Variants in COMMD1 observed in about 807,000 individuals in gnomAD.
The protein encoded by COMMD1 is COMM domain-containing protein 1.
In COMMD1, 10 loss-of-function variants were observed where a neutral mutation model predicts 17.2. The ratio of observed to expected loss-of-function variants is 0.58; its 90% CI spans 0.36 to 0.99. COMMD1 has a LOEUF of 0.99. Among genes scored for constraint, COMMD1 ranks in the 50% least tolerant of loss-of-function variants. The pLI, the probability that COMMD1 is intolerant of heterozygous loss-of-function variation, is 0.01. For synonymous variants in COMMD1, 97 were observed against 91.6 expected (o/e 1.06, Z -0.34); for missense variants, 270 against 231.8 (o/e 1.17, Z -1.07).
intron 1 of COMMD1, among the ~76,000 whole-genome samples, chr2:61,961,847 T>C (rs930837769): frequency 6.6e-6 from 1 of 152,228 alleles, no homozygotes; most frequent in Admixed American, 6.5e-5. Flanking sequence ...TTCTCATTTG[T>C]CTTTAATGTT....
chr2:62,069,835 G>A (rs1181629866), intron 2 of COMMD1: 10 of 152,160 alleles, frequency 6.6e-5, no homozygotes, highest in Non-Finnish European at 1.5e-5. Flanking sequence ...CAGACTATAA[G>A]CTAAATTGTT....
rs1668924281 is a variant in COMMD1, at chr2:62,001,000, C to T, written c.462+18C>T. ...ATGGACAGGTGAGTTAAACTTAAGTCAATTTTCCTTTGTAAACTGTATTTT... is the reference window on the plus strand; with the variant it reads ...ATGGACAGGTGAGTTAAACTTAAGTTAATTTTCCTTTGTAAACTGTATTTT... On this transcript the variant is annotated intron_variant, in intron 2 of 2. Transcript: ENST00000311832. 2 of 1,607,806 alleles carry T rather than the reference C, an allele frequency of 1.2e-6. No individual in the cohort carries two copies.
At chr2:61,921,946 T>C (rs1256553527) in intron 1 of COMMD1, among the ~76,000 whole-genome samples, 2 of 152,204 alleles carry the variant, frequency 1.3e-5, no homozygotes, top group African/African-American at 4.8e-5. Flanking sequence ...AAATTTTTTT[T>C]CCAGGACCAC....
intron 2 of COMMD1, among the ~76,000 whole-genome samples, chr2:62,134,830 C>T (rs1474525475): frequency 6.6e-6 from 1 of 152,090 alleles, no homozygotes; most frequent in Non-Finnish European, 1.5e-5. Context: ...CCAATCCTAA[C>T]AGTGATTGAA....
chr2:62,124,176 G>A (rs1238484966), intron 2 of COMMD1, among the ~76,000 whole-genome samples: 2 of 152,158 alleles, frequency 1.3e-5, no homozygotes, highest in African/African-American at 4.8e-5. Flanking sequence ...ACACACACCT[G>A]TAGTCCCAGC....
At chr2:62,030,290 A>G (rs1188538618) in intron 2 of COMMD1, among the ~76,000 whole-genome samples, 1 of 152,170 alleles carries the variant, frequency 6.6e-6, no homozygotes, top group Non-Finnish European at 1.5e-5. Context: ...TCTGATTTCT[A>G]TGACCCACCT....
At chr2:62,062,894 A>G (rs770287042) in intron 2 of COMMD1, among the ~76,000 whole-genome samples, 2 of 151,552 alleles carry the variant, frequency 1.3e-5, no homozygotes, top group Non-Finnish European at 2.9e-5. Flanking sequence ...ACGTAGGGAC[A>G]CCCTGTCTCT....
chr2:62,000,643 A>T, intron 1 of COMMD1, 58 bp from the exon 2 acceptor site: 1 of 1,498,556 alleles, frequency 6.7e-7, no homozygotes, highest in African/African-American at 1.4e-5. Flanking sequence ...TTAAGAAGCT[A>T]TCTTTTTCTA....
intron 2 of COMMD1, among the ~76,000 whole-genome samples, chr2:62,041,859 T>A (rs1670214887): frequency 6.6e-6 from 1 of 152,184 alleles, no homozygotes; most frequent in Admixed American, 6.5e-5. Context: ...ACTTTTGCTG[T>A]GAGTGTTGCA....
chr2:62,019,207 C>G (rs1010512495), intron 2 of COMMD1, among the ~76,000 whole-genome samples: 8 of 144,484 alleles, frequency 5.5e-5, no homozygotes, highest in Non-Finnish European at 1.2e-4. Context: ...GAGTTTCACT[C>G]TTGTTGCCCA....
intron 2 of COMMD1, among the ~76,000 whole-genome samples, chr2:62,019,475 C>G (rs2103852326): frequency 6.6e-6 from 1 of 152,096 alleles, no homozygotes; most frequent in East Asian, 1.9e-4. Context: ...GCACCCGGCC[C>G]TAAAAGCTCT....
chr2:62,057,291 A>G (rs931743021), intron 2 of COMMD1, among the ~76,000 whole-genome samples: 2 of 152,238 alleles, frequency 1.3e-5, no homozygotes, highest in African/African-American at 2.4e-5. Context: ...TGGATTATGT[A>G]TATAATCTCA....
chr2:61,957,732 A>C (rs1362868088), intron 1 of COMMD1, among the ~76,000 whole-genome samples: 3 of 152,200 alleles, frequency 2.0e-5, no homozygotes, highest in African/African-American at 7.2e-5. Flanking sequence ...CAAGCAAACT[A>C]TTCTTTTTAT....
chr2:61,961,784 C>T (rs1272284899), intron 1 of COMMD1, among the ~76,000 whole-genome samples: 1 of 152,056 alleles, frequency 6.6e-6, no homozygotes, highest in African/African-American at 2.4e-5. Flanking sequence ...ATTTTCTCAA[C>T]TACCCTGCTG....
At chr2:61,977,519 C>T (rs190065749) in intron 1 of COMMD1, among the ~76,000 whole-genome samples, 1 of 150,944 alleles carries the variant, frequency 6.6e-6, no homozygotes, top group East Asian at 2.0e-4. Context: ...GCTGGGATTA[C>T]AGGCATGAGC....
Position 62,098,166 on chromosome 2 carries a change from T to C in COMMD1, c.463-37665T>C, listed in dbSNP as rs369986296. 5.3e-3 allele frequency among the ~76,000 whole-genome samples: 786 copies of C among 148,490 alleles called. 22 individuals are homozygous for C. In the East Asian group the frequency reaches 0.074, roughly 14 times the overall value. On this transcript the variant is annotated intron_variant, in intron 2 of 2. Coordinates refer to ENST00000311832, the MANE Select transcript of COMMD1 (RefSeq NM_152516.4). Reference sequence around the variant, plus strand: ...ACTGTTTCCTTTCCTTTCTTTCTTTTTTTTTTTTTTTTTTGAGACAGAGTC... The same window carrying C: ...ACTGTTTCCTTTCCTTTCTTTCTTTCTTTTTTTTTTTTTTGAGACAGAGTC...
At chr2:62,101,617 CTCTA>C (rs1672180784) in intron 2 of COMMD1, among the ~76,000 whole-genome samples, 3 of 151,910 alleles carry the variant, frequency 2.0e-5, no homozygotes, top group Middle Eastern at 3.4e-3. Flanking sequence ...CTCTCTCTCT[CTCTA>C]TATATATATA....
intron 2 of COMMD1, among the ~76,000 whole-genome samples, chr2:62,078,471 T>C (rs1224554336): frequency 1.4e-5 from 2 of 144,452 alleles, no homozygotes; most frequent in Non-Finnish European, 3.0e-5. Flanking sequence ...GAGAATGGCG[T>C]GAACCCAGGA....
chr2:62,041,807 G>A (rs182292533), intron 2 of COMMD1, among the ~76,000 whole-genome samples: 3 of 152,292 alleles, frequency 2.0e-5, no homozygotes, highest in South Asian at 2.1e-4. Context: ...TCTTCCTTCC[G>A]GTGGGTTCGT....
Sources: gnomAD v4.1 joint callset for allele counts (sites outside exome capture counted in the v4.1 genomes callset) on GRCh38, gnomAD v4.1.1 for gene constraint, MANE v1.5 for transcripts, NCBI Gene and HGNC (gene_info 2026-07-23, HGNC 2026-07-21) for gene names.